Variants in PRDM15 observed in about 807,000 individuals in gnomAD.
PRDM15 encodes PR domain zinc finger protein 15.
Under a neutral mutation model 128.6 loss-of-function variants are expected in PRDM15, and 64 were observed. The observed-to-expected ratio is 0.50, with a 90% CI of 0.41 to 0.61. PRDM15 has a LOEUF of 0.61. PRDM15 is among the 20% of genes least tolerant of loss of function. The pLI is 0.00. For synonymous variants in PRDM15, 615 were observed against 621.8 expected (o/e 0.99, Z 0.16); for missense variants, 1,242 against 1,569.1 (o/e 0.79, Z 3.52).
intron 1 of PRDM15, among the ~76,000 whole-genome samples, chr21:41,872,586 T>C (rs546134998): frequency 6.6e-6 from 1 of 152,360 alleles, no homozygotes; most frequent in Non-Finnish European, 1.5e-5. Context: ...TACAAACTGA[T>C]GCTTCTAATG....
intron 1 of PRDM15, among the ~76,000 whole-genome samples, chr21:41,877,027 A>C (rs2064442702): frequency 1.3e-5 from 2 of 151,934 alleles, no homozygotes; most frequent in African/African-American, 4.8e-5. Context: ...CCCCACCTCC[A>C]TGGCCACACT....
intron 12 of PRDM15, among the ~76,000 whole-genome samples, chr21:41,826,412 T>C (rs758265961): frequency 1.6e-4 from 25 of 152,212 alleles, no homozygotes; most frequent in Admixed American, 4.6e-4. Context: ...TAACTCCATC[T>C]AAAGGCTCAA....
intron 4 of PRDM15, among the ~76,000 whole-genome samples, chr21:41,855,661 C>T (rs2145854924): frequency 6.6e-6 from 1 of 152,306 alleles, no homozygotes; most frequent in East Asian, 1.9e-4. Flanking sequence ...GGTGCATGCA[C>T]TGAGAACAAC....
intron 19 of PRDM15, 30 bp downstream of exon 19, chr21:41,815,675 T>G (rs1353357461): frequency 6.2e-7 from 1 of 1,609,736 alleles, no homozygotes; most frequent in South Asian, 1.1e-5. Flanking sequence ...GTGAGCGCCG[T>G]GGCTGGCGCG....
chr21:41,839,638 C>T lies in PRDM15; in HGVS notation c.856G>A (p.Asp286Asn). ...CGCTCATCACCTGTGGGTTCCTTGTCTTCCACGATGACTAGAGGCTGCTCA... is the reference window on the plus strand; with the variant it reads ...CGCTCATCACCTGTGGGTTCCTTGTTTTCCACGATGACTAGAGGCTGCTCA... ...KAEQPLVIVEDKEPTEQVAEI... is the reference protein window; with the variant it reads ...KAEQPLVIVENKEPTEQVAEI... The change falls in exon 7 of 24, where the codon GAC becomes AAC. Residue 286 changes from aspartate (D) to asparagine (N), a missense_variant. Around this residue, in one of 3 missense-constraint regions of PRDM15, gnomAD observed 612 missense variants for 717.0 expected, o/e 0.85. Transcript: ENST00000398548. The T allele has an allele frequency of 6.2e-7, 1 of 1,614,230 alleles. No individual in the cohort carries two copies. Among genetic ancestry groups the T allele is most frequent in the South Asian group, 1.1e-5 (1 of 91,084 alleles).
Position 41,862,513 on chromosome 21 carries a change from C to T in PRDM15, c.-9-2141G>A, listed in dbSNP as rs188672416. On this transcript the variant is annotated intron_variant, in intron 1 of 23. Coordinates refer to ENST00000398548, the MANE Select transcript of PRDM15 (RefSeq NM_001040424.3). This position sits in a 1 kb window ranked among gnomAD's most constrained non-coding sequence, Gnocchi z 4.1. Reference sequence around the variant, plus strand: ...GGAGAGGAAACCCAGAAGAGAGGGGCGAGGGAAGCTGGAGAGCAGGGTTTT... The same window carrying T: ...GGAGAGGAAACCCAGAAGAGAGGGGTGAGGGAAGCTGGAGAGCAGGGTTTT... 6.9e-3 allele frequency among the ~76,000 whole-genome samples: 1,054 copies of T among 152,186 alleles called. 7 individuals carry two copies. The highest frequency in any genetic ancestry group is 0.023 in the African/African-American group (972 of 41,536).
At chr21:41,857,474 G>T in intron 3 of PRDM15, 145 bp from the exon 4 acceptor site, 1 of 859,310 alleles carries the variant, frequency 1.2e-6, no homozygotes, top group South Asian at 1.8e-5. Context: ...AAGCCTTCCA[G>T]GCCAGGCTTG....
chr21:41,830,762 T>C (rs62214694), intron 11 of PRDM15, among the ~76,000 whole-genome samples: 62,403 of 151,566 alleles, frequency 0.41, 12,981 homozygotes, highest in East Asian at 0.57. Context: ...GAAACACCTA[T>C]ATCCCTGCAT....
chr21:41,822,061 G>A lies in PRDM15; in HGVS notation c.1762-24C>T, dbSNP rs752585166. On this transcript the variant is annotated intron_variant, in intron 14 of 23. Transcript: ENST00000398548. ...TCCTGGAAAACAGCCACCACTTCCG[G>A]TTTCTAACAGCGCAGCAGACGCTTC... 1.7e-5 allele frequency: 27 copies of A among 1,612,974 alleles called. 1 individual carries two copies. The South Asian group carries it at 2.9e-4, about 17-fold the overall frequency.
intron 13 of PRDM15, among the ~76,000 whole-genome samples, chr21:41,825,314 C>T (rs556076580): frequency 2.6e-5 from 4 of 152,394 alleles, no homozygotes; most frequent in East Asian, 1.9e-4. Context: ...TCTCCCGGGA[C>T]GCGCAGCGTG....
In PRDM15 at chr21:41,811,040, T is replaced by C. The variant is rs1463886623; in HGVS notation, c.2393-204A>G. 1.8e-6 allele frequency: 1 copy of C among 541,804 alleles called. No homozygotes were observed. The allele number at this position is 541,804 out of a possible 1,614,324, so 33.6% of individuals were successfully genotyped here. ...GAAAGTTTATGCTTCCATAGTGACA[T>C]TTCATATCAAAAAAACATGAGATGT... is the stretch of plus-strand genomic sequence containing the variant. On this transcript the variant is annotated intron_variant, in intron 19 of 23. Coordinates refer to ENST00000398548, the MANE Select transcript of PRDM15 (RefSeq NM_001040424.3). This position sits in a 1 kb window ranked among gnomAD's most constrained non-coding sequence, Gnocchi z 4.1.
intron 13 of PRDM15, among the ~76,000 whole-genome samples, chr21:41,823,963 G>C (rs1451658470): frequency 1.3e-5 from 2 of 152,236 alleles, no homozygotes; most frequent in Non-Finnish European, 2.9e-5. Context: ...GGTCACCTCT[G>C]TGACCAGGGC....
intron 8 of PRDM15, among the ~76,000 whole-genome samples, chr21:41,837,421 T>A (rs1430458057): frequency 1.3e-5 from 2 of 151,920 alleles, no homozygotes; most frequent in Non-Finnish European, 2.9e-5. Flanking sequence ...TGAGCCGGGG[T>A]AGAATAAGCC....
intron 22 of PRDM15, chr21:41,803,157 T>C (rs9984094): frequency 0.066 from 36,822 of 561,800 alleles, 1,532 homozygotes; most frequent in Middle Eastern, 0.11. Context: ...TTTTTAAAAG[T>C]TGTATTTTAT....
intron 21 of PRDM15, among the ~76,000 whole-genome samples, chr21:41,807,881 G>A (rs548277196): frequency 7.2e-5 from 11 of 152,154 alleles, no homozygotes; most frequent in East Asian, 3.9e-4. Context: ...GGTTCTGTCC[G>A]GGTTGGGCTT....
chr21:41,815,357 A>G (rs989825952), intron 19 of PRDM15, among the ~76,000 whole-genome samples: 1 of 152,216 alleles, frequency 6.6e-6, no homozygotes, highest in Non-Finnish European at 1.5e-5. Flanking sequence ...AAAGATGACA[A>G]GCAACCTTGC....
intron 11 of PRDM15, among the ~76,000 whole-genome samples, chr21:41,829,798 ACT>A (rs2062619053): frequency 6.6e-6 from 1 of 151,152 alleles, no homozygotes; most frequent in African/African-American, 2.4e-5. Context: ...ACACAGATAC[ACT>A]CAACATACAC....
intron 11 of PRDM15, among the ~76,000 whole-genome samples, chr21:41,835,222 A>C (rs1049956455): frequency 1.2e-4 from 18 of 152,232 alleles, no homozygotes; most frequent in Non-Finnish European, 1.5e-5. Context: ...CAAATGCAGG[A>C]AGAAAATCAA....
chr21:41,820,443 G>A lies in PRDM15; in HGVS notation c.2061-269C>T, dbSNP rs1023838891. On this transcript the variant is annotated intron_variant, in intron 16 of 23. Transcript: ENST00000398548. ...GATTACATGGAAAAGAGGCCATCAGGGTGGTCCCTGACCAATCTGACCAGT... is the reference window on the plus strand; with the variant it reads ...GATTACATGGAAAAGAGGCCATCAGAGTGGTCCCTGACCAATCTGACCAGT... 5.9e-5 allele frequency among the ~76,000 whole-genome samples: 9 copies of A among 152,318 alleles called. No individual in the cohort carries two copies. In the East Asian group the frequency reaches 1.5e-3, roughly 26 times the overall value.
Sources: gnomAD v4.1 joint callset for allele counts (sites outside exome capture counted in the v4.1 genomes callset) on GRCh38, gnomAD v4.1.1 for gene constraint, gnomAD v4.1.1 regional missense constraint, Gnocchi (gnomAD v3.1) non-coding constraint, MANE v1.5 for transcripts, NCBI Gene and HGNC (gene_info 2026-07-23, HGNC 2026-07-21) for gene names.